DEUP1: variants seen among roughly 807,000 people sequenced by gnomAD.
DEUP1 encodes the protein deuterosome assembly protein 1, also known as coiled-coil domain containing 67.
Under a neutral mutation model 87.4 loss-of-function variants are expected in DEUP1, and 82 were observed. That is an observed-to-expected ratio of 0.94 (90% CI 0.78 to 1.13). DEUP1 has a LOEUF of 1.13. Ranked by LOEUF, DEUP1 falls within the 50% of genes most tolerant of loss-of-function variation. The pLI is 0.00. For missense variants in DEUP1, 663 were observed against 681.5 expected (o/e 0.97, Z 0.30); for synonymous variants, 214 against 222.7 (o/e 0.96, Z 0.35).
Position 93,415,875 on chromosome 11 carries a change from AATTC to A in DEUP1, c.1638+774_1638+777del, listed in dbSNP as rs201376911. Among the ~76,000 whole-genome samples the A allele has an allele frequency of 9.5e-3, 1,445 of 152,172 alleles. 20 individuals are homozygous for A. Among genetic ancestry groups the A allele is most frequent in the African/African-American group, 0.033 (1,363 of 41,508 alleles). ...TAAATACCACATTCAATGACAATAA[AATTC>A]ATTCATTCATTCTACTATGGATGGA... On this transcript the variant is annotated intron_variant, in intron 13 of 13. Transcript: ENST00000298050.
At chr11:93,380,053 G>A (rs1024925269) in intron 7 of DEUP1, among the ~76,000 whole-genome samples, 2 of 152,162 alleles carry the variant, frequency 1.3e-5, no homozygotes, top group African/African-American at 4.8e-5. Context: ...GGCAATGCCT[G>A]GATACATGTT....
At chr11:93,360,905 C>CAAAAAAA (rs35572726) in intron 4 of DEUP1, among the ~76,000 whole-genome samples, 3 of 82,410 alleles carry the variant, frequency 3.6e-5, no homozygotes, top group Non-Finnish European at 5.0e-5. Flanking sequence ...CAAAACTTAG[C>CAAAAAAA]AAAAAAAAAA....
chr11:93,419,320 C>A (rs1052933603), intron 13 of DEUP1, among the ~76,000 whole-genome samples: 7 of 152,142 alleles, frequency 4.6e-5, no homozygotes, highest in Non-Finnish European at 1.0e-4. Context: ...TTAAAGGCAA[C>A]CTTCCAGAAC....
At chr11:93,419,877 T>C (rs1405313359) in intron 13 of DEUP1, among the ~76,000 whole-genome samples, 1 of 126,754 alleles carries the variant, frequency 7.9e-6, no homozygotes, top group African/African-American at 3.3e-5. Flanking sequence ...TAAAATAAAA[T>C]AAAAATTAAA....
At chr11:93,357,155 A>G (rs1944936121) in intron 4 of DEUP1, 112 bp downstream of exon 4, 1 of 659,736 alleles carries the variant, frequency 1.5e-6, no homozygotes, top group South Asian at 2.1e-5. Context: ...CTTGTATTTT[A>G]ATTATAAGCT....
chr11:93,375,411 G>A (rs1247085626), intron 7 of DEUP1, among the ~76,000 whole-genome samples: 1 of 152,106 alleles, frequency 6.6e-6, no homozygotes, highest in Non-Finnish European at 1.5e-5. Context: ...TATAATGTTG[G>A]CTGTGGGTTT....
At chr11:93,388,725 T>A (rs1946669601) in intron 8 of DEUP1, among the ~76,000 whole-genome samples, 1 of 152,314 alleles carries the variant, frequency 6.6e-6, no homozygotes, top group Middle Eastern at 3.4e-3. Flanking sequence ...CAGTCTTTTC[T>A]TTTTTCCCAA....
chr11:93,345,950 T>A (rs1369887281), intron 2 of DEUP1, among the ~76,000 whole-genome samples: 2 of 152,184 alleles, frequency 1.3e-5, no homozygotes, highest in African/African-American at 4.8e-5. Context: ...TCTAGAATAG[T>A]GATGCCTAGG....
intron 10 of DEUP1, 139 bp from the exon 11 acceptor site, chr11:93,396,100 C>A: frequency 1.6e-6 from 1 of 635,510 alleles, no homozygotes. Flanking sequence ...ATAAGAATAC[C>A]TGAATGTTAT....
At chr11:93,366,594 G>A (rs551986716) in intron 5 of DEUP1, among the ~76,000 whole-genome samples, 4 of 152,214 alleles carry the variant, frequency 2.6e-5, no homozygotes, top group Non-Finnish European at 4.4e-5. Flanking sequence ...GATATATTGC[G>A]CTGACTCGCT....
intron 2 of DEUP1, among the ~76,000 whole-genome samples, chr11:93,340,499 A>C (rs555404028): frequency 2.0e-4 from 31 of 152,326 alleles, no homozygotes; most frequent in African/African-American, 7.0e-4. Context: ...ACTGTGTAAA[A>C]TGGGAAGTCA....
intron 12 of DEUP1, among the ~76,000 whole-genome samples, chr11:93,413,232 T>G (rs1157560393): frequency 7.1e-6 from 1 of 140,474 alleles, no homozygotes; most frequent in Non-Finnish European, 1.5e-5. Context: ...GTTTTGATGG[T>G]CTTTGATGAT....
Position 93,415,184 on chromosome 11 carries a change from A to G in DEUP1, c.1638+70A>G, listed in dbSNP as rs768992249. 8.3e-5 allele frequency: 74 copies of G among 896,412 alleles called. No individual in the cohort carries two copies. The African/African-American group carries it at 1.1e-3, about 14-fold the overall frequency. The allele number at this position is 896,412 out of a possible 1,614,324, so 55.5% of individuals were successfully genotyped here. On this transcript the variant is annotated intron_variant, in intron 13 of 13. Coordinates refer to ENST00000298050, the MANE Select transcript of DEUP1 (RefSeq NM_181645.4). ...GCTTTACTCTTACACTGATGTCAATAAACTGACGTACATAGTAGTTCGTTT... is the reference window on the plus strand; with the variant it reads ...GCTTTACTCTTACACTGATGTCAATGAACTGACGTACATAGTAGTTCGTTT...
chr11:93,402,051 T>A (rs1370416349), intron 11 of DEUP1, among the ~76,000 whole-genome samples: 2 of 151,624 alleles, frequency 1.3e-5, no homozygotes, highest in African/African-American at 4.8e-5. Context: ...AAGAAAAGAA[T>A]CAACAAAGTG....
At chr11:93,360,153 A>G (rs147244610) in intron 4 of DEUP1, among the ~76,000 whole-genome samples, 4 of 152,090 alleles carry the variant, frequency 2.6e-5, no homozygotes, top group Non-Finnish European at 5.9e-5. Flanking sequence ...CCTTCAATCA[A>G]AGTGTATTAG....
intron 13 of DEUP1, among the ~76,000 whole-genome samples, chr11:93,437,101 C>T (rs1293667848): frequency 6.6e-6 from 1 of 152,182 alleles, no homozygotes; most frequent in East Asian, 1.9e-4. Context: ...ACCTGGCTAA[C>T]TCCAAGCATT....
chr11:93,354,896 C>T (rs1015210914), intron 2 of DEUP1, among the ~76,000 whole-genome samples: 4 of 152,132 alleles, frequency 2.6e-5, no homozygotes, highest in African/African-American at 9.7e-5. Flanking sequence ...AGACACCAGC[C>T]ATATCATGCC....
At chr11:93,388,869 T>C (rs2134337967) in intron 8 of DEUP1, 151 bp from the exon 9 acceptor site, 2 of 556,126 alleles carry the variant, frequency 3.6e-6, no homozygotes, top group East Asian at 6.5e-5. Context: ...GATCTGAATG[T>C]ATTAGAACTT....
intron 4 of DEUP1, chr11:93,357,263 C>T (rs1216699699): frequency 5.8e-6 from 2 of 343,104 alleles, no homozygotes; most frequent in Non-Finnish European, 1.0e-5. Context: ...CAGTAGTAGA[C>T]AAATGGCTTT....
Sources: gnomAD v4.1 joint callset for allele counts (sites outside exome capture counted in the v4.1 genomes callset) on GRCh38, gnomAD v4.1.1 for gene constraint, MANE v1.5 for transcripts, NCBI Gene and HGNC (gene_info 2026-07-23, HGNC 2026-07-21) for gene names.